Variants in TRA2B observed in about 807,000 individuals in gnomAD.
The protein encoded by TRA2B is transformer 2 beta homolog.
Under a neutral mutation model 41.7 loss-of-function variants are expected in TRA2B, and 14 were observed. The ratio of observed to expected loss-of-function variants is 0.34; its 90% CI spans 0.22 to 0.53. The LOEUF (loss-of-function observed/expected upper bound fraction) is 0.53. Among genes scored for constraint, TRA2B ranks in the 20% least tolerant of loss-of-function variants. The pLI is 0.95. For missense variants in TRA2B, 167 were observed against 396.8 expected, an observed-to-expected ratio of 0.42 and a Z score of 4.92; for synonymous variants, 130 against 128.8, an observed-to-expected ratio of 1.01 and a Z score of -0.06.
intron 1 of TRA2B, 89 bp downstream of exon 1, chr3:185,937,736 C>T: frequency 6.3e-7 from 1 of 1,581,054 alleles, no homozygotes; most frequent in Non-Finnish European, 8.7e-7. Context: ...CCTAAAACGC[C>T]CCTGCCTCCT....
At chr3:185,924,096 G>T in intron 3 of TRA2B, 112 bp from the exon 4 acceptor site, 2 of 907,922 alleles carry the variant, frequency 2.2e-6, no homozygotes, top group Non-Finnish European at 3.2e-6. Flanking sequence ...AGTACATAAT[G>T]ATTAGACCAA....
intron 1 of TRA2B, chr3:185,936,907 A>G (rs1410860344): frequency 1.0e-6 from 1 of 985,150 alleles, no homozygotes. Context: ...CTCACTGAAC[A>G]CCTTTAAGAG....
intron 1 of TRA2B, chr3:185,934,700 G>A: frequency 8.1e-6 from 8 of 985,172 alleles, no homozygotes; most frequent in Non-Finnish European, 9.6e-6. Flanking sequence ...TTAGAATTTA[G>A]AGTTTAGGAG....
intron 1 of TRA2B, chr3:185,931,379 C>T (rs1213622955): frequency 5.2e-6 from 1 of 193,346 alleles, no homozygotes; most frequent in African/African-American, 2.4e-5. Context: ...CTCACTGCTG[C>T]CTGGTGCTTG....
chr3:185,935,349 G>A (rs1333747247), intron 1 of TRA2B: 4 of 984,986 alleles, frequency 4.1e-6, no homozygotes, highest in Non-Finnish European at 4.8e-6. Flanking sequence ...TTGAGAGGGG[G>A]GAAAAAATAA....
rs1198823108 is a variant in TRA2B, at chr3:185,925,558, C to T, written c.239G>A (p.Arg80Gln). 3.1e-6 allele frequency: 5 copies of T among 1,614,160 alleles called. No homozygotes were observed. The highest frequency in any genetic ancestry group is 4.2e-6 in the Non-Finnish European group (5 of 1,180,022). The change falls in exon 3 of 9, where the codon CGA (arginine) becomes CAA (glutamine). Residue 80 changes from arginine to glutamine, a missense_variant. By Grantham distance (43) the Arg-to-Gln change is conservative. Coordinates refer to ENST00000453386, the MANE Select transcript of TRA2B (RefSeq NM_004593.3). ...TCGACTGTAAGACCTGCTACGTGAT[C>T]GTCTATGGGAGCGGGAGCGAGACCG... The part of the protein sequence containing the change: ...RSRSRSRSHR[R>Q]SRSRSYSRDY...
chr3:185,921,400 C>G (rs1743728917), intron 5 of TRA2B, among the ~76,000 whole-genome samples: 1 of 152,154 alleles, frequency 6.6e-6, no homozygotes, highest in Non-Finnish European at 1.5e-5. Flanking sequence ...CACACAGATC[C>G]TGCCAGAGGT....
At chr3:185,922,711 C>CTTAA (rs1207938684) in intron 4 of TRA2B, 17 of 152,266 alleles carry the variant, frequency 1.1e-4, no homozygotes, top group Admixed American at 1.0e-3. Flanking sequence ...GAAGCACAGC[C>CTTAA]TTAAGTACAT....
intron 1 of TRA2B, chr3:185,935,469 AC>A: frequency 1.0e-6 from 1 of 985,228 alleles, no homozygotes; most frequent in Non-Finnish European, 1.2e-6. Context: ...TATCCCACAC[AC>A]CCAACCTTAA....
intron 1 of TRA2B, chr3:185,934,353 T>G (rs930707649): frequency 3.0e-6 from 3 of 985,400 alleles, no homozygotes; most frequent in African/African-American, 1.7e-5. Context: ...AAACGCTATG[T>G]AAGGCAAATC....
rs548024781 is a variant in TRA2B, at chr3:185,917,322, GA to G, written c.*392del. 510 of 188,548 alleles carry G rather than the reference GA, an allele frequency of 2.7e-3. 2 individuals carry two copies. The highest frequency in any genetic ancestry group is 0.011 in the African/African-American group (459 of 42,800). 11.7% of individuals were successfully genotyped at this position (188,548 alleles called of 1,614,324 possible). A position where few individuals can be genotyped will look rare whatever the true frequency, so the allele number is the denominator to read the frequency against. ...CTGCTAAGCATTGATATGTTAGAAA[GA>G]AAAGTAAAAATCAAACTGTTTATTG... On this transcript the variant is annotated 3_prime_UTR_variant, in exon 9 of 9. Transcript: ENST00000453386.
chr3:185,915,327 A>G lies in TRA2B; in HGVS notation c.*2388T>C, dbSNP rs1035317006. 4.6e-5 allele frequency among the ~76,000 whole-genome samples: 7 copies of G among 152,252 alleles called. No homozygotes were observed. Among genetic ancestry groups the G allele is most frequent in the Admixed American group, 1.3e-4 (2 of 15,282 alleles). ...TTTTAGTAGTCTCAGCCCTACAGCT[A>G]TAAGAAATGGATTGTTTGTATTGGC... On this transcript the variant is annotated 3_prime_UTR_variant, in exon 9 of 9. Transcript: ENST00000453386.
rs759260857 is a variant in TRA2B at position 185,917,433 on chromosome 3, G to A, written c.*282C>T. The A allele has an allele frequency of 6.4e-5, 27 of 420,342 alleles. No homozygotes were observed. The highest frequency in any genetic ancestry group is 1.2e-4 in the Non-Finnish European group (27 of 233,928). 26.0% of individuals were successfully genotyped at this position (420,342 alleles called of 1,614,324 possible). A position where few individuals can be genotyped will look rare whatever the true frequency, so the allele number is the denominator to read the frequency against. ...TCAGTAGAAAAACCTTTTAAATGAAGTTTTGTACAATAGAAACTTCTCAGC... is the reference window on the plus strand; with the variant it reads ...TCAGTAGAAAAACCTTTTAAATGAAATTTTGTACAATAGAAACTTCTCAGC... On this transcript the variant is annotated 3_prime_UTR_variant, in exon 9 of 9. Coordinates refer to ENST00000453386, the MANE Select transcript of TRA2B (RefSeq NM_004593.3).
intron 1 of TRA2B, among the ~76,000 whole-genome samples, chr3:185,929,969 G>GC (rs34229065): frequency 0.013 from 1,957 of 152,178 alleles, 34 homozygotes; most frequent in African/African-American, 0.044. Context: ...TTCACACACT[G>GC]CCTGTTCTCA....
At chr3:185,922,722 A>G (rs1560564421) in intron 4 of TRA2B, 1 of 152,224 alleles carries the variant, frequency 6.6e-6, no homozygotes, top group African/African-American at 2.4e-5. Flanking sequence ...TTAAGTACAT[A>G]TAGTTCCTTT....
At chr3:185,936,192 A>T in intron 1 of TRA2B, 2 of 985,424 alleles carry the variant, frequency 2.0e-6, no homozygotes, top group Non-Finnish European at 2.4e-6. Flanking sequence ...GGTACCCAAT[A>T]ATTGAATTTT....
intron 1 of TRA2B, among the ~76,000 whole-genome samples, chr3:185,930,251 G>C (rs1744100259): frequency 6.6e-6 from 1 of 152,074 alleles, no homozygotes; most frequent in Non-Finnish European, 1.5e-5. Context: ...CCATGGGCTT[G>C]GAATTAAAAT....
intron 1 of TRA2B, chr3:185,931,836 CCTT>C: frequency 6.6e-7 from 1 of 1,507,694 alleles, no homozygotes; most frequent in Non-Finnish European, 8.8e-7. Context: ...TCCGCATTTT[CCTT>C]CTTCAACATT....
At chr3:185,921,561 G>A (rs936958069) in intron 5 of TRA2B, among the ~76,000 whole-genome samples, 2 of 152,080 alleles carry the variant, frequency 1.3e-5, no homozygotes, top group Non-Finnish European at 2.9e-5. Context: ...TCAGGAGATC[G>A]AGAACATCCT....
Sources: allele counts gnomAD v4.1 joint callset (sites outside exome capture counted in the v4.1 genomes callset), GRCh38; gene constraint gnomAD v4.1.1; transcripts MANE v1.5; gene names NCBI Gene and HGNC (gene_info 2026-07-23, HGNC 2026-07-21).